RBFOX1: variants seen among roughly 807,000 people sequenced by gnomAD.
RBFOX1 encodes RNA binding fox-1 homolog 1.
RBFOX1 carries 8 observed loss-of-function variants against 57.7 expected under a neutral mutation model. The observed-to-expected ratio is 0.14, with a 90% CI of 0.08 to 0.25. The LOEUF is 0.25. Among genes scored for constraint, RBFOX1 ranks in the 10% least tolerant of loss-of-function variants. The pLI is 1.00. For missense variants in RBFOX1, 611 were observed against 548.5 expected (o/e 1.11, Z -1.14); for synonymous variants, 326 against 222.4 (o/e 1.47, Z -4.15).
At chr16:6,318,404 T>C (rs563978018) in intron 2 of RBFOX1, among the ~76,000 whole-genome samples, 3 of 152,332 alleles carry the variant, frequency 2.0e-5, no homozygotes, top group Non-Finnish European at 4.4e-5. Flanking sequence ...CAAATCTATT[T>C]AGTGTAAAGT....
At chr16:7,538,214 G>A (rs2082012737) in intron 5 of RBFOX1, among the ~76,000 whole-genome samples, 1 of 152,154 alleles carries the variant, frequency 6.6e-6, no homozygotes, top group Non-Finnish European at 1.5e-5. Context: ...GCTATCTCGT[G>A]CCTGGGCTTC....
chr16:6,905,705 C>G (rs932747426), intron 3 of RBFOX1, among the ~76,000 whole-genome samples: 1 of 152,160 alleles, frequency 6.6e-6, no homozygotes, highest in African/African-American at 2.4e-5. Flanking sequence ...TTAATCATCC[C>G]TGTTAGAAAG....
chr16:7,241,827 A>T (rs539320501), intron 4 of RBFOX1, among the ~76,000 whole-genome samples: 5 of 152,010 alleles, frequency 3.3e-5, no homozygotes, highest in Non-Finnish European at 7.4e-5. Context: ...ATATATGTTT[A>T]TACATATATT....
At chr16:7,115,493 G>T (rs1042111617) in intron 4 of RBFOX1, among the ~76,000 whole-genome samples, 2 of 152,152 alleles carry the variant, frequency 1.3e-5, no homozygotes, top group African/African-American at 4.8e-5. Flanking sequence ...AGTAGTTTTG[G>T]CAGGTGTTGG....
intron 2 of RBFOX1, among the ~76,000 whole-genome samples, chr16:6,570,544 C>G (rs1029239129): frequency 6.6e-6 from 1 of 151,998 alleles, no homozygotes; most frequent in Non-Finnish European, 1.5e-5. Flanking sequence ...ATAATTTATA[C>G]ATGTATGCTT....
chr16:5,798,473 G>C (rs1483012596), intron 3 of RBFOX1, among the ~76,000 whole-genome samples: 1 of 152,156 alleles, frequency 6.6e-6, no homozygotes, highest in African/African-American at 2.4e-5. Flanking sequence ...CCAGGTAGAT[G>C]GCTCAGGATA....
intron 3 of RBFOX1, among the ~76,000 whole-genome samples, chr16:5,758,838 A>G (rs977882209): frequency 3.3e-5 from 5 of 152,144 alleles, no homozygotes; most frequent in Admixed American, 1.3e-4. Context: ...TAGACAGGAA[A>G]AAGGTTTGTT....
intron 4 of RBFOX1, among the ~76,000 whole-genome samples, chr16:7,113,842 C>T (rs1399911229): frequency 1.3e-5 from 2 of 152,108 alleles, no homozygotes; most frequent in Admixed American, 6.6e-5. Flanking sequence ...CCTCCCACTA[C>T]CAAGTTTTCA....
chr16:5,561,079 C>G (rs577299795), intron 2 of RBFOX1, among the ~76,000 whole-genome samples: 1 of 152,162 alleles, frequency 6.6e-6, no homozygotes, highest in African/African-American at 2.4e-5. Context: ...AATGGATTCC[C>G]TCTGTTGTGT....
intron 2 of RBFOX1, among the ~76,000 whole-genome samples, chr16:5,598,233 A>AAT (rs766202516): frequency 4.0e-5 from 6 of 151,724 alleles, no homozygotes; most frequent in South Asian, 2.1e-4. Context: ...CAAAAAAAAA[A>AAT]AAATAAATAA....
intron 3 of RBFOX1, among the ~76,000 whole-genome samples, chr16:6,789,105 A>G (rs940601807): frequency 1.3e-5 from 2 of 152,184 alleles, no homozygotes; most frequent in South Asian, 2.1e-4. Flanking sequence ...GCCTCCCTGA[A>G]TTTACCAGAT....
chr16:6,849,897 T>A (rs2093974817), intron 3 of RBFOX1, among the ~76,000 whole-genome samples: 1 of 152,178 alleles, frequency 6.6e-6, no homozygotes, highest in African/African-American at 2.4e-5. Context: ...TATAATTATT[T>A]GTGTGTGTAT....
intron 1 of RBFOX1, among the ~76,000 whole-genome samples, chr16:5,281,912 G>A (rs1345458411): frequency 1.3e-5 from 2 of 152,080 alleles, no homozygotes; most frequent in East Asian, 1.9e-4. Context: ...ACCCATATTC[G>A]AAGTTATTAT....
intron 3 of RBFOX1, chr16:6,873,835 A>C (rs1192077176): frequency 2.6e-5 from 4 of 152,194 alleles, no homozygotes; most frequent in Non-Finnish European, 5.9e-5. Flanking sequence ...CGAGACTTTG[A>C]AACATTAAGT....
chr16:7,488,836 T>G (rs1334068410), intron 4 of RBFOX1, among the ~76,000 whole-genome samples: 1 of 152,184 alleles, frequency 6.6e-6, no homozygotes, highest in Admixed American at 6.5e-5. Context: ...CTATACATTC[T>G]CACATCCATT....
At chr16:5,974,881 G>T (rs1010917102) in intron 4 of RBFOX1, among the ~76,000 whole-genome samples, 4 of 151,548 alleles carry the variant, frequency 2.6e-5, no homozygotes, top group African/African-American at 9.7e-5. Flanking sequence ...GGTGGCACAT[G>T]CCTATTACCC....
At chr16:6,375,577 G>T (rs1200200835) in intron 2 of RBFOX1, among the ~76,000 whole-genome samples, 1 of 152,074 alleles carries the variant, frequency 6.6e-6, no homozygotes, top group Admixed American at 6.5e-5. Context: ...AAAGACCCCT[G>T]TGGATTCTCT....
rs146878234 is a variant in RBFOX1 at position 6,762,870 on chromosome 16, C to T, written c.-16+108220C>T. On this transcript the variant is annotated intron_variant, in intron 3 of 15. Coordinates refer to ENST00000550418, the MANE Select transcript of RBFOX1 (RefSeq NM_018723.4). ...TCTCAAAGGAGGTACCTCTCCTTGC[C>T]TTGGGTGGGAGTAAGTGGGTACAAA... is the stretch of plus-strand genomic sequence containing the variant. 5.9e-5 allele frequency among the ~76,000 whole-genome samples: 9 copies of T among 152,224 alleles called. No homozygotes were observed. In the East Asian group the frequency reaches 1.7e-3, roughly 30 times the overall value.
At chr16:5,398,719 C>T (rs530217487) in intron 1 of RBFOX1, among the ~76,000 whole-genome samples, 4 of 152,052 alleles carry the variant, frequency 2.6e-5, no homozygotes, top group Non-Finnish European at 5.9e-5. Context: ...CTGTGGGTCT[C>T]TTGAAGGGGT....
Sources: gnomAD v4.1 joint callset for allele counts (sites outside exome capture counted in the v4.1 genomes callset) on GRCh38, gnomAD v4.1.1 for gene constraint, MANE v1.5 for transcripts, NCBI Gene and HGNC (gene_info 2026-07-23, HGNC 2026-07-21) for gene names.